The following JMJD1C variants were observed in gnomAD, a reference collection of about 807,000 sequenced individuals.
The protein encoded by JMJD1C is jumonji domain-containing protein 1C.
In JMJD1C, 31 loss-of-function variants were observed where a neutral mutation model predicts 245.3. The observed-to-expected ratio is 0.13, with a 90% CI of 0.09 to 0.17. The LOEUF (loss-of-function observed/expected upper bound fraction) is 0.17. JMJD1C is among the 10% of genes least tolerant of loss of function. The pLI, the probability that JMJD1C is intolerant of heterozygous loss-of-function variation, is 1.00. For missense variants in JMJD1C, 2,691 were observed against 3,000.2 expected (o/e 0.90, Z 2.41); for synonymous variants, 1,057 against 1,017.4 (o/e 1.04, Z -0.74).
chr10:63,271,833 C>T (rs1359727951), intron 2 of JMJD1C, among the ~76,000 whole-genome samples: 2 of 151,936 alleles, frequency 1.3e-5, no homozygotes, highest in Admixed American at 6.6e-5. Context: ...GAAAAGAGGC[C>T]GGGATCAGTG....
chr10:63,320,696 T>C (rs1940745518), intron 2 of JMJD1C, among the ~76,000 whole-genome samples: 3 of 152,228 alleles, frequency 2.0e-5, no homozygotes, highest in Non-Finnish European at 1.5e-5. Flanking sequence ...TTTCCTGACA[T>C]ACAGCTTCTA....
chr10:63,304,214 C>A (rs1937685140), intron 2 of JMJD1C, among the ~76,000 whole-genome samples: 2 of 152,052 alleles, frequency 1.3e-5, no homozygotes, highest in Non-Finnish European at 2.9e-5. Context: ...TTTTGAAAAC[C>A]ATTAAATATG....
intron 1 of JMJD1C, among the ~76,000 whole-genome samples, chr10:63,472,987 G>A (rs1021212959): frequency 2.0e-5 from 3 of 151,860 alleles, no homozygotes; most frequent in African/African-American, 4.8e-5. Context: ...GTCTCATCAT[G>A]TTGGCCAGGA....
intron 3 of JMJD1C, among the ~76,000 whole-genome samples, chr10:63,223,805 G>A (rs1332304441): frequency 6.6e-6 from 1 of 152,060 alleles, no homozygotes; most frequent in Non-Finnish European, 1.5e-5. Context: ...CCAGGCCGGA[G>A]TGCAGTGGTG....
At chr10:63,175,824 A>G (rs1165880335) in intron 24 of JMJD1C, among the ~76,000 whole-genome samples, 1 of 152,150 alleles carries the variant, frequency 6.6e-6, no homozygotes, top group Non-Finnish European at 1.5e-5. Flanking sequence ...AAAATTAGGT[A>G]TTTTAAACTA....
intron 2 of JMJD1C, 74 bp downstream of exon 2, chr10:63,380,244 T>A (rs1011476723): frequency 6.6e-7 from 1 of 1,509,088 alleles, no homozygotes; most frequent in African/African-American, 1.4e-5. Flanking sequence ...AAACCTGGCC[T>A]TTGTTTTGTT....
intron 24 of JMJD1C, among the ~76,000 whole-genome samples, chr10:63,174,165 C>A (rs768958960): frequency 6.6e-6 from 1 of 152,166 alleles, no homozygotes; most frequent in Non-Finnish European, 1.5e-5. Flanking sequence ...TATAGTATCA[C>A]CAGGCAATCC....
intron 3 of JMJD1C, among the ~76,000 whole-genome samples, chr10:63,264,104 A>C (rs975399023): frequency 6.6e-6 from 1 of 152,146 alleles, no homozygotes; most frequent in African/African-American, 2.4e-5. Flanking sequence ...GTTTCTTCAC[A>C]TAATTAAAAG....
intron 1 of JMJD1C, among the ~76,000 whole-genome samples, chr10:63,508,891 A>C (rs1315246607): frequency 6.6e-6 from 1 of 152,212 alleles, no homozygotes; most frequent in Non-Finnish European, 1.5e-5. Context: ...ATGACAGTTT[A>C]CTTCTTCCTT....
chr10:63,396,880 T>C (rs943314645), intron 1 of JMJD1C, among the ~76,000 whole-genome samples: 2 of 151,358 alleles, frequency 1.3e-5, no homozygotes, highest in Non-Finnish European at 2.9e-5. Context: ...GAAATTTTCA[T>C]TTTTTATACC....
intron 2 of JMJD1C, among the ~76,000 whole-genome samples, chr10:63,357,693 C>T (rs538797812): frequency 3.7e-4 from 56 of 152,164 alleles, no homozygotes; most frequent in East Asian, 7.7e-4. Flanking sequence ...TTGTGTCAGA[C>T]GGCAGAGATT....
intron 1 of JMJD1C, among the ~76,000 whole-genome samples, chr10:63,394,179 T>A (rs1447107735): frequency 1.7e-5 from 2 of 118,618 alleles, no homozygotes; most frequent in African/African-American, 3.5e-5. Context: ...TGAGTGAGAC[T>A]CCGTCTCCAA....
chr10:63,349,396 G>C (rs189291997), intron 2 of JMJD1C, among the ~76,000 whole-genome samples: 9 of 152,204 alleles, frequency 5.9e-5, no homozygotes, highest in Admixed American at 5.9e-4. Context: ...CCAGTTTTGC[G>C]TTCTCATACA....
At chr10:63,444,475 T>C (rs1300766747) in intron 1 of JMJD1C, among the ~76,000 whole-genome samples, 2 of 152,076 alleles carry the variant, frequency 1.3e-5, no homozygotes, top group East Asian at 1.9e-4. Context: ...GGTTTCACCA[T>C]GTTGGCCAGG....
At chr10:63,488,101 T>A (rs1336411833) in intron 1 of JMJD1C, among the ~76,000 whole-genome samples, 1 of 152,026 alleles carries the variant, frequency 6.6e-6, no homozygotes, top group African/African-American at 2.4e-5. Flanking sequence ...AGCCATGACT[T>A]ACAAAAAAAT....
chr10:63,364,247 G>T (rs986836466), intron 2 of JMJD1C, among the ~76,000 whole-genome samples: 1 of 152,004 alleles, frequency 6.6e-6, no homozygotes, highest in Admixed American at 6.6e-5. Context: ...GGGCTCAAGC[G>T]GTTCTCCCAC....
intron 2 of JMJD1C, among the ~76,000 whole-genome samples, chr10:63,277,509 G>GC (rs953471424): frequency 1.3e-5 from 2 of 151,982 alleles, no homozygotes; most frequent in African/African-American, 2.4e-5. Flanking sequence ...TTACAAAAGG[G>GC]CAGCTTTTCA....
chr10:63,363,245 T>C (rs1397562964), intron 2 of JMJD1C, among the ~76,000 whole-genome samples: 2 of 145,890 alleles, frequency 1.4e-5, no homozygotes, highest in African/African-American at 2.5e-5. Context: ...CTTCTCTTCA[T>C]ACAATTCTTT....
chr10:63,480,354 T>C (rs1157837022), intron 1 of JMJD1C, among the ~76,000 whole-genome samples: 1 of 151,712 alleles, frequency 6.6e-6, no homozygotes, highest in African/African-American at 2.4e-5. Flanking sequence ...AGTCTCATTT[T>C]GCTACCCAGG....
Sources: gnomAD v4.1 joint callset for allele counts (sites outside exome capture counted in the v4.1 genomes callset) on GRCh38, gnomAD v4.1.1 for gene constraint, MANE v1.5 for transcripts, NCBI Gene and HGNC (gene_info 2026-07-23, HGNC 2026-07-21) for gene names.